The following NXPE2 variants were observed in gnomAD, a reference collection of about 807,000 sequenced individuals.
NXPE2 encodes NXPE family member 2.
In NXPE2, 34 loss-of-function variants were observed where a neutral mutation model predicts 34.4. That is an observed-to-expected ratio of 0.99 (90% CI 0.75 to 1.31). NXPE2 has a LOEUF of 1.31. Ranked by LOEUF, NXPE2 falls within the 40% of genes most tolerant of loss-of-function variation. The pLI, the probability that NXPE2 is intolerant of heterozygous loss-of-function variation, is 0.00. For synonymous variants in NXPE2, 235 were observed against 231.3 expected (o/e 1.02, Z -0.15); for missense variants, 649 against 672.5 (o/e 0.97, Z 0.39).
At chr11:114,717,369 C>T in the NXPE2 span, among the ~76,000 whole-genome samples, 1 of 152,224 alleles carries the variant, frequency 6.6e-6, no homozygotes, top group African/African-American at 2.4e-5. Flanking sequence ...TTTAAGCTAC[C>T]AAAGTGATGT....
chr11:114,723,390 A>G, the NXPE2 span, among the ~76,000 whole-genome samples: 1 of 152,184 alleles, frequency 6.6e-6, no homozygotes, highest in East Asian at 1.9e-4. Context: ...ATTACATTTT[A>G]TTAATCCAAG....
the NXPE2 span, among the ~76,000 whole-genome samples, chr11:114,590,724 A>G: frequency 6.6e-6 from 1 of 152,262 alleles, no homozygotes; most frequent in African/African-American, 2.4e-5. Context: ...AAGAAACTTG[A>G]TTTGCAGGTA....
At chr11:114,491,059 G>C in the NXPE2 span, among the ~76,000 whole-genome samples, 51 of 147,588 alleles carry the variant, frequency 3.5e-4, no homozygotes, top group African/African-American at 1.1e-3. Context: ...CTACTTGGGA[G>C]GCTGAGACAG....
At chr11:114,679,594 T>G in intron 1 of NXPE2, 63 bp from the exon 2 acceptor site, 1 of 981,472 alleles carries the variant, frequency 1.0e-6, no homozygotes, top group South Asian at 1.7e-5. Context: ...GGAACCAAAG[T>G]GTACGGAGCC....
chr11:114,576,990 TAC>T, the NXPE2 span, among the ~76,000 whole-genome samples: 2 of 100,380 alleles, frequency 2.0e-5, no homozygotes, highest in Non-Finnish European at 3.7e-5. Context: ...TATATATATA[TAC>T]ATATATATAT....
chr11:114,465,706 A>G, the NXPE2 span, among the ~76,000 whole-genome samples: 72,841 of 152,026 alleles, frequency 0.48, 18,030 homozygotes, highest in African/African-American at 0.59. Context: ...ATACAATAAC[A>G]TAGTCCCAGC....
chr11:114,666,334 TAAAGTA>T, the NXPE2 span, among the ~76,000 whole-genome samples: 1 of 152,084 alleles, frequency 6.6e-6, no homozygotes, highest in African/African-American at 2.4e-5. Flanking sequence ...TCCTTTAAAG[TAAAGTA>T]AAAGTCCCAC....
the NXPE2 span, among the ~76,000 whole-genome samples, chr11:114,523,367 C>T: frequency 2.6e-5 from 4 of 152,130 alleles, no homozygotes; most frequent in South Asian, 4.2e-4. Flanking sequence ...CTTTCTTTGA[C>T]GTTCTATCCT....
the NXPE2 span, among the ~76,000 whole-genome samples, chr11:114,628,409 T>C: frequency 4.6e-5 from 7 of 152,118 alleles, no homozygotes; most frequent in Non-Finnish European, 8.8e-5. Context: ...ACAACCTGCT[T>C]CTGAATGACT....
the NXPE2 span, among the ~76,000 whole-genome samples, chr11:114,643,389 G>C: frequency 6.6e-6 from 1 of 152,018 alleles, no homozygotes; most frequent in Non-Finnish European, 1.5e-5. Flanking sequence ...TATAGCTTTA[G>C]GTCTTACATT....
the NXPE2 span, among the ~76,000 whole-genome samples, chr11:114,591,694 T>C: frequency 6.6e-6 from 1 of 152,110 alleles, no homozygotes; most frequent in Non-Finnish European, 1.5e-5. Context: ...TGGAAAGTCC[T>C]TAAAATCCTT....
At chr11:114,659,205 C>T in the NXPE2 span, among the ~76,000 whole-genome samples, 1 of 152,048 alleles carries the variant, frequency 6.6e-6, no homozygotes, top group African/African-American at 2.4e-5. Flanking sequence ...AAACATTATA[C>T]CTTTCAATAA....
At chr11:114,487,695 T>C in the NXPE2 span, among the ~76,000 whole-genome samples, 5 of 152,168 alleles carry the variant, frequency 3.3e-5, no homozygotes, top group African/African-American at 7.2e-5. Flanking sequence ...GTTCCTTCTA[T>C]ACCCAGTTTT....
At chr11:114,598,813 A>C in the NXPE2 span, among the ~76,000 whole-genome samples, 3 of 150,946 alleles carry the variant, frequency 2.0e-5, no homozygotes, top group African/African-American at 7.3e-5. Context: ...GCTTCCACAA[A>C]GTTCTCTGAA....
the NXPE2 span, among the ~76,000 whole-genome samples, chr11:114,754,190 G>C: frequency 7.2e-5 from 11 of 152,240 alleles, no homozygotes; most frequent in African/African-American, 2.4e-4. Context: ...TGATGGGCAA[G>C]TGTTTGGTGG....
the NXPE2 span, among the ~76,000 whole-genome samples, chr11:114,771,475 C>G: frequency 4.0e-5 from 6 of 151,642 alleles, no homozygotes; most frequent in African/African-American, 1.5e-4. Flanking sequence ...TTGGACCAGG[C>G]CTGTGGCCTT....
chr11:114,708,533 T>G (rs1394360595), downstream of NXPE2, among the ~76,000 whole-genome samples: 1 of 151,614 alleles, frequency 6.6e-6, no homozygotes, highest in Non-Finnish European at 1.5e-5. Flanking sequence ...TGCTGTAACA[T>G]CAGTACAAAG....
At chr11:114,733,881 T>A in the NXPE2 span, among the ~76,000 whole-genome samples, 1 of 152,238 alleles carries the variant, frequency 6.6e-6, no homozygotes, top group Non-Finnish European at 1.5e-5. Context: ...GTTTCTTCTG[T>A]TAACCCAGTC....
At chr11:114,657,532 A>C in the NXPE2 span, among the ~76,000 whole-genome samples, 27 of 152,312 alleles carry the variant, frequency 1.8e-4, no homozygotes, top group South Asian at 5.6e-3. Context: ...CACTACTTTG[A>C]AATTATAGCA....
Sources: gnomAD v4.1 joint callset for allele counts (sites outside exome capture counted in the v4.1 genomes callset) on GRCh38, gnomAD v4.1.1 for gene constraint, MANE v1.5 for transcripts, NCBI Gene and HGNC (gene_info 2026-07-23, HGNC 2026-07-21) for gene names.